Variants in KCNG1 observed in about 807,000 individuals in gnomAD.
The protein encoded by KCNG1 is voltage-gated potassium channel regulatory subunit KCNG1.
KCNG1 carries 17 observed loss-of-function variants against 32.4 expected under a neutral mutation model. The observed-to-expected ratio is 0.52, with a 90% CI of 0.36 to 0.79. The LOEUF (loss-of-function observed/expected upper bound fraction) is 0.79, where lower values mean the gene tolerates loss of function less well. Ranked by LOEUF, KCNG1 falls within the 30% of genes least tolerant of loss-of-function variation. KCNG1 has a pLI of 0.00. For missense variants in KCNG1, 441 were observed against 735.2 expected, an observed-to-expected ratio of 0.60 and a Z score of 4.63; for synonymous variants, 358 against 339.9, an observed-to-expected ratio of 1.05 and a Z score of -0.59.
At chr20:51,006,792 A>G (rs1444305088) in intron 2 of KCNG1, 1 of 152,340 alleles carries the variant, frequency 6.6e-6, no homozygotes, top group Admixed American at 6.5e-5. Flanking sequence ...TCAGCCTCCC[A>G]AAGTTCTGGG....
chr20:51,012,524 C>T (rs1258021913), intron 1 of KCNG1: 2 of 152,228 alleles, frequency 1.3e-5, no homozygotes, highest in Non-Finnish European at 1.5e-5. Flanking sequence ...ACGAGACCAA[C>T]ATGATAAGGC....
At chr20:51,017,755 C>T (rs1988331613) in intron 1 of KCNG1, among the ~76,000 whole-genome samples, 1 of 152,106 alleles carries the variant, frequency 6.6e-6, no homozygotes, top group South Asian at 2.1e-4. Context: ...CTGGAGTTCT[C>T]CCAGGGGCTG....
rs933700127 is a variant in KCNG1 at position 51,014,745 on chromosome 20, T to G, written c.-26-4381A>C. Among the ~76,000 whole-genome samples, 6 of 152,220 alleles carry G rather than the reference T, an allele frequency of 3.9e-5. No homozygotes were observed. In the South Asian group the frequency reaches 1.0e-3, roughly 26 times the overall value. ...TTTCAGGCTGCAGCGACTGCAGTGT[T>G]GTTGACAGAGCAAGGTGAGAGATGG... On this transcript the variant is annotated intron_variant, in intron 1 of 2. Transcript: ENST00000371571.
rs892214974 is a variant in KCNG1 at position 51,005,062 on chromosome 20, C to T, written c.775-256G>A. ...ACTCCAGACCCCCAACAGGCTGCCTCCCTGACGCTCCCACCTGGGTGTCTG... is the reference window on the plus strand; with the variant it reads ...ACTCCAGACCCCCAACAGGCTGCCTTCCTGACGCTCCCACCTGGGTGTCTG... On this transcript the variant is annotated intron_variant, in intron 2 of 2. Transcript: ENST00000371571. The surrounding 1 kb of genome is among the most constrained non-coding windows in gnomAD (Gnocchi z 4.0). 6 of 383,276 alleles carry T rather than the reference C, an allele frequency of 1.6e-5. No individual in the cohort carries two copies. Among genetic ancestry groups the T allele is most frequent in the Non-Finnish European group, 1.8e-5 (4 of 216,218 alleles). 23.7% of individuals were successfully genotyped at this position (383,276 alleles called of 1,614,324 possible).
chr20:51,012,689 G>A (rs1246726903), intron 1 of KCNG1, among the ~76,000 whole-genome samples: 1 of 152,188 alleles, frequency 6.6e-6, no homozygotes, highest in Non-Finnish European at 1.5e-5. Flanking sequence ...TTGGCTTGGA[G>A]AAGTTTTTGA....
rs779290546 is a variant in KCNG1 at position 51,010,369 on chromosome 20, G to A, written c.-26-5C>T. The A allele has an allele frequency of 4.0e-6, 6 of 1,495,994 alleles. No individual in the cohort carries two copies. In the East Asian group the frequency reaches 1.1e-4, roughly 28 times the overall value. 92.7% of individuals were successfully genotyped at this position (1,495,994 alleles called of 1,614,324 possible). A position where few individuals can be genotyped will look rare whatever the true frequency, so the allele number is the denominator to read the frequency against. On this transcript the variant is annotated splice_region_variant and splice_polypyrimidine_tract_variant and intron_variant, in intron 1 of 2. Coordinates refer to ENST00000371571, the MANE Select transcript of KCNG1 (RefSeq NM_002237.4). Reference sequence around the variant, plus strand: ...GCCTTCACATCCCTCTCGGGCCTGTGGGGAGAAGGGAGGGAAGACCCTCAG... The same window carrying A: ...GCCTTCACATCCCTCTCGGGCCTGTAGGGAGAAGGGAGGGAAGACCCTCAG...
chr20:51,016,687 C>G (rs961178573), intron 1 of KCNG1, among the ~76,000 whole-genome samples: 1 of 152,206 alleles, frequency 6.6e-6, no homozygotes, highest in Non-Finnish European at 1.5e-5. Flanking sequence ...ACGGTGAGGA[C>G]AAAAGCAGAT....
At chr20:51,011,420 A>G (rs1699609170) in intron 1 of KCNG1, among the ~76,000 whole-genome samples, 1 of 152,090 alleles carries the variant, frequency 6.6e-6, no homozygotes, top group African/African-American at 2.4e-5. Context: ...TTAGTCTCCC[A>G]AAAGACATGT....
chr20:51,008,652 A>T (rs887290166), intron 2 of KCNG1, among the ~76,000 whole-genome samples: 1 of 132,218 alleles, frequency 7.6e-6, no homozygotes, highest in Non-Finnish European at 1.7e-5. Flanking sequence ...GATTTTTTTT[A>T]AAAGAAGCTG....
Position 51,015,883 on chromosome 20 carries a change from G to C in KCNG1, c.-26-5519C>G, listed in dbSNP as rs995438907. Among the ~76,000 whole-genome samples, 7 of 152,208 alleles carry C rather than the reference G, an allele frequency of 4.6e-5. No individual in the cohort carries two copies. Among genetic ancestry groups the C allele is most frequent in the Non-Finnish European group, 5.9e-5 (4 of 68,034 alleles). ...ATGGAGCGGCAGAGGGCTGCGGCAT[G>C]AGAATGACTCCACTGGCCACTGCTG... On this transcript the variant is annotated intron_variant, in intron 1 of 2. Coordinates refer to ENST00000371571, the MANE Select transcript of KCNG1 (RefSeq NM_002237.4). This position sits in a 1 kb window ranked among gnomAD's most constrained non-coding sequence, Gnocchi z 4.4.
rs570333633 is a variant in KCNG1, at chr20:51,004,060, C to T, written c.1521G>A (p.Ser507=). The change falls in exon 3 of 3, where the codon TCG becomes TCA. Residue 507 remains serine, a synonymous_variant. Transcript: ENST00000371571. This position sits in a 1 kb window ranked among gnomAD's most constrained non-coding sequence, Gnocchi z 4.3. The stretch of plus-strand genomic sequence containing the variant: ...GCGCTCAGTTATTGTCTCTGGTGTC[C>T]GAGGAGGCACTTCCGAACAAGATGT... ...DSDILFGSAS[S]DTRDNN is the part of the protein sequence containing the mutation. The T allele has an allele frequency of 7.4e-6, 12 of 1,614,140 alleles. No homozygotes were observed. The African/African-American group carries it at 8.0e-5, about 11-fold the overall frequency.
chr20:51,021,640 G>A (rs1988488866), intron 1 of KCNG1, among the ~76,000 whole-genome samples: 1 of 152,096 alleles, frequency 6.6e-6, no homozygotes, highest in African/African-American at 2.4e-5. Flanking sequence ...CTTATCTCAG[G>A]GAGTCAGCAA....
At chr20:51,018,151 T>G (rs1988346862) in intron 1 of KCNG1, among the ~76,000 whole-genome samples, 1 of 152,068 alleles carries the variant, frequency 6.6e-6, no homozygotes, top group South Asian at 2.1e-4. Context: ...GGGGTGGGAT[T>G]TGGGAGGGCG....
rs1368653157 is a variant in KCNG1 at position 51,004,313 on chromosome 20, G to A, written c.1268C>T (p.Thr423Met). 6.2e-7 allele frequency: 1 copy of A among 1,613,610 alleles called. No homozygotes were observed. Among genetic ancestry groups the A allele is most frequent in the Admixed American group, 1.7e-5 (1 of 60,006 alleles). Residue 423 changes from threonine (T) to methionine (M), a missense_variant, in exon 3 of 3, where the codon ACG becomes ATG. Thr to Met is a moderately conservative substitution (Grantham distance 81, BLOSUM62 -1). Transcript: ENST00000371571. This position sits in a 1 kb window ranked among gnomAD's most constrained non-coding sequence, Gnocchi z 4.3. ...GACCATGTCGCCATAGCCCACCGTC[G>A]TCATGGTGATGACAGCCCACCAGTA... ...ACYWWAVITM[T>M]TVGYGDMVPR...
At position 51,015,823 on chromosome 20, in the gene KCNG1, A is replaced by G. The variant is rs968234080; in HGVS notation, c.-26-5459T>C. On this transcript the variant is annotated intron_variant, in intron 1 of 2. Coordinates refer to ENST00000371571, the MANE Select transcript of KCNG1 (RefSeq NM_002237.4). This position sits in a 1 kb window ranked among gnomAD's most constrained non-coding sequence, Gnocchi z 4.4. ...GATCTGGGTGGGCCCAGTGTAATCAACAGGGTCCTTATTTGTGGAAAAAGA... is the reference window on the plus strand; with the variant it reads ...GATCTGGGTGGGCCCAGTGTAATCAGCAGGGTCCTTATTTGTGGAAAAAGA... Among the ~76,000 whole-genome samples, 1 of 152,230 alleles carries G rather than the reference A, an allele frequency of 6.6e-6. No homozygotes were observed. The highest frequency in any genetic ancestry group is 1.5e-5 in the Non-Finnish European group (1 of 68,034).
chr20:51,006,573 C>G (rs926376191), intron 2 of KCNG1: 7 of 152,216 alleles, frequency 4.6e-5, no homozygotes, highest in African/African-American at 1.7e-4. Flanking sequence ...GCTCTTGTTG[C>G]CCAGGCTGGA....
intron 1 of KCNG1, among the ~76,000 whole-genome samples, chr20:51,013,427 G>A (rs1294292999): frequency 6.6e-6 from 1 of 151,982 alleles, no homozygotes; most frequent in African/African-American, 2.4e-5. Context: ...TTAAATATGG[G>A]TCGGTGCTGT....
chr20:51,009,464 C>A (rs1987968207), intron 2 of KCNG1, 101 bp downstream of exon 2: 2 of 1,313,010 alleles, frequency 1.5e-6, no homozygotes, highest in African/African-American at 3.0e-5. Flanking sequence ...GGATGCTATT[C>A]AGCCAGTGTG....
Position 51,004,210 on chromosome 20 carries a change from G to A in KCNG1, c.1371C>T (p.Thr457=), listed in dbSNP as rs139519744. ...SGILLMAFPV[T]SIFHTFSRSY... The stretch of plus-strand genomic sequence containing the variant: ...AGCGGGAGAAGGTGTGGAAGATGGA[G>A]GTGACTGGGAAGGCCATGAGCAGGA... Residue 457 remains threonine (T), a synonymous_variant, in exon 3 of 3, where the codon ACC becomes ACT. Transcript: ENST00000371571. The surrounding 1 kb of genome is among the most constrained non-coding windows in gnomAD (Gnocchi z 4.3). 1.6e-4 allele frequency: 261 copies of A among 1,614,146 alleles called. No homozygotes were observed. In the African/African-American group the frequency reaches 3.1e-3, roughly 19 times the overall value.
Sources: allele counts gnomAD v4.1 joint callset (sites outside exome capture counted in the v4.1 genomes callset), GRCh38; gene constraint gnomAD v4.1.1; non-coding constraint Gnocchi (gnomAD v3.1); transcripts MANE v1.5; gene names NCBI Gene and HGNC (gene_info 2026-07-23, HGNC 2026-07-21).